NEO1: variants seen among roughly 807,000 people sequenced by gnomAD.
NEO1 encodes neogenin 1.
A neutral mutation model predicts 159.7 loss-of-function variants in NEO1; 63 were observed. The ratio of observed to expected loss-of-function variants is 0.39; its 90% confidence interval spans 0.32 to 0.49. The LOEUF is 0.49. Ranked by LOEUF, NEO1 falls within the 20% of genes least tolerant of loss-of-function variation. The pLI is 0.85. For missense variants in NEO1, 1,615 were observed against 1,831.0 expected, an observed-to-expected ratio of 0.88 and a Z score of 2.15; for synonymous variants, 633 against 662.0, an observed-to-expected ratio of 0.96 and a Z score of 0.67.
intron 1 of NEO1, among the ~76,000 whole-genome samples, chr15:73,067,849 C>A (rs1399884472): frequency 6.6e-6 from 1 of 152,112 alleles, no homozygotes; most frequent in Non-Finnish European, 1.5e-5. Context: ...ATCTCCTGAC[C>A]TCGTGATCCA....
In NEO1 at chr15:73,260,424, A is replaced by T. The variant is rs764902411; in HGVS notation, c.2357A>T (p.Lys786Ile). 3.0e-5 allele frequency: 48 copies of T among 1,613,788 alleles called. No homozygotes were observed. In the Admixed American group the frequency reaches 6.7e-4, roughly 22 times the overall value. ...GIGSPHAQTIKVDYKQRYYTI... is the reference protein window; with the variant it reads ...GIGSPHAQTIIVDYKQRYYTI... Reference sequence around the variant, plus strand: ...GGCAGCCCTCATGCCCAGACCATCAAAGTGGACTATAAACAGCGCTATTAC... The same window carrying T: ...GGCAGCCCTCATGCCCAGACCATCATAGTGGACTATAAACAGCGCTATTAC... Residue 786 changes from lysine to isoleucine, a missense_variant, in exon 15 of 29, where the codon AAA (lysine) becomes ATA (isoleucine). Transcript: ENST00000261908.
At chr15:73,242,513 C>A (rs1429440556) in intron 8 of NEO1, among the ~76,000 whole-genome samples, 2 of 151,978 alleles carry the variant, frequency 1.3e-5, no homozygotes, top group South Asian at 4.1e-4. Flanking sequence ...ACTAAAAATA[C>A]AAAAATTAGC....
intron 7 of NEO1, among the ~76,000 whole-genome samples, chr15:73,227,535 T>A (rs887646182): frequency 6.6e-6 from 1 of 152,094 alleles, no homozygotes; most frequent in African/African-American, 2.4e-5. Context: ...ACGTCATCAT[T>A]CTTTAGGAAC....
At position 73,218,379 on chromosome 15, in the gene NEO1, A is replaced by G. The variant is rs555610506; in HGVS notation, c.1292-17968A>G. ...CAATGTTCATCAAGGATATTGGTCT[A>G]AAATTCTCTTTTTTGGTTGTGTCTC... is the stretch of plus-strand genomic sequence containing the variant. On this transcript the variant is annotated intron_variant, in intron 7 of 28. Coordinates refer to ENST00000261908, the MANE Select transcript of NEO1 (RefSeq NM_002499.4). Among the ~76,000 whole-genome samples the G allele has an allele frequency of 3.7e-3, 563 of 151,608 alleles. 2 individuals are homozygous for G. The highest frequency in any genetic ancestry group is 0.013 in the African/African-American group (539 of 41,304).
In NEO1 at chr15:73,302,977, G is replaced by A. The variant is rs1388640502; in HGVS notation, c.*281G>A. The A allele has an allele frequency of 4.2e-5, 16 of 376,620 alleles. 1 individual carries two copies. Among genetic ancestry groups the A allele is most frequent in the South Asian group, 4.1e-4 (11 of 26,880 alleles). 23.3% of individuals were successfully genotyped at this position (376,620 alleles called of 1,614,324 possible). On this transcript the variant is annotated 3_prime_UTR_variant, in exon 29 of 29. Coordinates refer to ENST00000261908, the MANE Select transcript of NEO1 (RefSeq NM_002499.4). The stretch of plus-strand genomic sequence containing the variant: ...AAAATTTTGTGTCCAGGGAAGAGGC[G>A]AGAAGTGCAACCTGCATTTCACTTT...
At chr15:73,239,015 A>G (rs903261488) in intron 8 of NEO1, among the ~76,000 whole-genome samples, 1 of 151,814 alleles carries the variant, frequency 6.6e-6, no homozygotes, top group African/African-American at 2.4e-5. Context: ...TGCCTGGGTA[A>G]TTTTTGTATT....
chr15:73,204,569 A>G (rs1419829744), intron 7 of NEO1, among the ~76,000 whole-genome samples: 2 of 152,062 alleles, frequency 1.3e-5, no homozygotes, highest in Non-Finnish European at 2.9e-5. Flanking sequence ...TCTACTGATG[A>G]GCCCATCAAA....
intron 27 of NEO1, chr15:73,299,783 TTCCTATCTGC>T (rs1357850750): frequency 1.3e-5 from 2 of 152,264 alleles, no homozygotes; most frequent in African/African-American, 4.8e-5. Context: ...CAGCTGGATT[TTCCTATCTGC>T]TTCTGCATTC....
chr15:73,255,568 G>C (rs1346225814), intron 13 of NEO1: 1 of 152,222 alleles, frequency 6.6e-6, no homozygotes, highest in East Asian at 1.9e-4. Context: ...ACGAAGAATT[G>C]AGACAGATGC....
Position 73,249,579 on chromosome 15 carries a change from C to T in NEO1, c.1756-4C>T. 6.3e-7 allele frequency: 1 copy of T among 1,592,554 alleles called. No individual in the cohort carries two copies. Among genetic ancestry groups the T allele is most frequent in the Non-Finnish European group, 8.5e-7 (1 of 1,173,398 alleles). ...TATGTATAAAGTGTTTTATTTTATT[C>T]AAGGATGTTGATGTTTCAAGTCACT... On this transcript the variant is annotated splice_polypyrimidine_tract_variant and splice_region_variant and intron_variant, in intron 10 of 28. Coordinates refer to ENST00000261908, the MANE Select transcript of NEO1 (RefSeq NM_002499.4).
intron 19 of NEO1, among the ~76,000 whole-genome samples, 199 bp downstream of exon 19, chr15:73,272,761 C>G (rs890216008): frequency 2.0e-5 from 3 of 152,002 alleles, no homozygotes; most frequent in African/African-American, 7.3e-5. Context: ...AATGGGTTGC[C>G]TGTTGGTGGT....
intron 1 of NEO1, among the ~76,000 whole-genome samples, chr15:73,072,111 C>T (rs2068564854): frequency 6.6e-6 from 1 of 152,008 alleles, no homozygotes; most frequent in Non-Finnish European, 1.5e-5. Flanking sequence ...CCACTACACT[C>T]AGCTAATTTT....
At chr15:73,079,011 C>T (rs1595923685) in intron 1 of NEO1, among the ~76,000 whole-genome samples, 1 of 152,210 alleles carries the variant, frequency 6.6e-6, no homozygotes, top group African/African-American at 2.4e-5. Flanking sequence ...TTTCTAAGTG[C>T]ATTATCTCTT....
At chr15:73,174,827 C>T (rs1222853284) in intron 5 of NEO1, among the ~76,000 whole-genome samples, 4 of 152,190 alleles carry the variant, frequency 2.6e-5, no homozygotes, top group Non-Finnish European at 5.9e-5. Context: ...AAAGGCTTGT[C>T]ATTGTTTGAA....
At chr15:73,063,595 C>T (rs1019572638) in intron 1 of NEO1, among the ~76,000 whole-genome samples, 39 of 151,550 alleles carry the variant, frequency 2.6e-4, no homozygotes, top group African/African-American at 9.0e-4. Context: ...ATTTTGAAGC[C>T]GTAAGTAGGG....
intron 1 of NEO1, among the ~76,000 whole-genome samples, chr15:73,097,633 T>C (rs927944217): frequency 1.3e-5 from 2 of 152,078 alleles, no homozygotes; most frequent in Non-Finnish European, 2.9e-5. Flanking sequence ...AGTGCTGGGA[T>C]TACAGGCGCG....
At chr15:73,254,939 A>G in intron 13 of NEO1, 110 bp downstream of exon 13, 1 of 1,235,876 alleles carries the variant, frequency 8.1e-7, no homozygotes, top group Non-Finnish European at 1.1e-6. Context: ...CAAATTTAAA[A>G]TGGTTCAGAA....
intron 3 of NEO1, among the ~76,000 whole-genome samples, chr15:73,125,179 T>C (rs192349855): frequency 1.6e-3 from 251 of 152,378 alleles, no homozygotes; most frequent in African/African-American, 5.7e-3. Flanking sequence ...AGAGTTGTGC[T>C]TGTCAAACAT....
chr15:73,266,623 G>C (rs896377005), intron 16 of NEO1, among the ~76,000 whole-genome samples: 1 of 152,034 alleles, frequency 6.6e-6, no homozygotes, highest in Admixed American at 6.6e-5. Context: ...TGCCACGTAA[G>C]CCATTCTGTG....
Sources: allele counts gnomAD v4.1 joint callset (sites outside exome capture counted in the v4.1 genomes callset), GRCh38; gene constraint gnomAD v4.1.1; transcripts MANE v1.5; gene names NCBI Gene and HGNC (gene_info 2026-07-23, HGNC 2026-07-21).